The following DLGAP4 variants were observed in gnomAD, a reference collection of about 807,000 sequenced individuals.
DLGAP4 encodes DLG associated protein 4, also known as disks large-associated protein 4.
Under a neutral mutation model 86.9 loss-of-function variants are expected in DLGAP4, and 18 were observed. The ratio of observed to expected loss-of-function variants is 0.21; its 90% CI spans 0.14 to 0.31. The LOEUF (loss-of-function observed/expected upper bound fraction) is 0.31. Among genes scored for constraint, DLGAP4 ranks in the 10% least tolerant of loss-of-function variants. The pLI is 1.00. For missense variants in DLGAP4, 1,085 were observed against 1,362.6 expected, an observed-to-expected ratio of 0.80 and a Z score of 3.21; for synonymous variants, 548 against 574.3, an observed-to-expected ratio of 0.95 and a Z score of 0.65.
chr20:36,409,605 C>A (rs2032430146), intron 2 of DLGAP4, among the ~76,000 whole-genome samples: 1 of 150,876 alleles, frequency 6.6e-6, no homozygotes, highest in African/African-American at 2.4e-5. Flanking sequence ...GTCCCAGCTA[C>A]TAGGGAGGCT....
chr20:36,454,209 A>G (rs1198362387), intron 7 of DLGAP4, among the ~76,000 whole-genome samples: 1 of 151,010 alleles, frequency 6.6e-6, no homozygotes, highest in African/African-American at 2.4e-5. Context: ...CAGTGAGCCA[A>G]GATCGCACTA....
At chr20:36,418,516 C>T (rs1272280138) in intron 2 of DLGAP4, among the ~76,000 whole-genome samples, 1 of 152,154 alleles carries the variant, frequency 6.6e-6, no homozygotes, top group Non-Finnish European at 1.5e-5. Flanking sequence ...CTTATCTTTT[C>T]AGTGTCTACC....
At chr20:36,495,614 C>T (rs1356207988) in intron 7 of DLGAP4, among the ~76,000 whole-genome samples, 1 of 152,232 alleles carries the variant, frequency 6.6e-6, no homozygotes, top group Non-Finnish European at 1.5e-5. Flanking sequence ...GTGTTCTGGG[C>T]TCCTGCTGTG....
intron 1 of DLGAP4, among the ~76,000 whole-genome samples, chr20:36,312,396 C>T (rs1397014971): frequency 6.6e-6 from 1 of 152,122 alleles, no homozygotes; most frequent in Non-Finnish European, 1.5e-5. Context: ...CACACACACA[C>T]ACACAGTGCA....
At chr20:36,469,005 G>A (rs2034539613) in intron 7 of DLGAP4, among the ~76,000 whole-genome samples, 1 of 152,150 alleles carries the variant, frequency 6.6e-6, no homozygotes, top group African/African-American at 2.4e-5. Context: ...TTGATTTGCA[G>A]AGCACTTTCA....
In DLGAP4 at chr20:36,344,391, C is replaced by G. The variant is rs1197626245; in HGVS notation, c.-303-22654C>G. ...CAAAGTCAGCCTCCCGAAATAATAACAAGTCCACAATGTAACAGTGATGGC... is the reference window on the plus strand; with the variant it reads ...CAAAGTCAGCCTCCCGAAATAATAAGAAGTCCACAATGTAACAGTGATGGC... On this transcript the variant is annotated intron_variant, in intron 1 of 12. Coordinates refer to ENST00000339266, the MANE Select transcript of DLGAP4 (RefSeq NM_001365621.2). 3.9e-5 allele frequency among the ~76,000 whole-genome samples: 6 copies of G among 152,220 alleles called. No individual in the cohort carries two copies. The East Asian group carries it at 1.2e-3, about 29-fold the overall frequency.
At chr20:36,460,258 G>C (rs892299503) in intron 7 of DLGAP4, among the ~76,000 whole-genome samples, 1 of 152,108 alleles carries the variant, frequency 6.6e-6, no homozygotes, top group African/African-American at 2.4e-5. Flanking sequence ...TTGAGCCCAG[G>C]AGTTCAAGAC....
At chr20:36,435,879 C>A (rs1163398631) in intron 3 of DLGAP4, among the ~76,000 whole-genome samples, 1 of 152,168 alleles carries the variant, frequency 6.6e-6, no homozygotes, top group East Asian at 1.9e-4. Context: ...CTGGGGCAAA[C>A]CCAGCCTGGG....
chr20:36,461,933 C>G (rs2034100572), intron 7 of DLGAP4: 1 of 984,926 alleles, frequency 1.0e-6, no homozygotes, highest in African/African-American at 1.8e-5. Flanking sequence ...CTCTTCAGCC[C>G]TCAGAGCCGC....
At chr20:36,495,716 AAGTGGAGAACAGGGAGTTGGACC>A (rs1257109127) in intron 7 of DLGAP4, among the ~76,000 whole-genome samples, 1 of 152,194 alleles carries the variant, frequency 6.6e-6, no homozygotes, top group Non-Finnish European at 1.5e-5. Context: ...TCAGTGGAGA[AAGTGGAGAACAGGGAGTTGGACC>A]AGTGGAGAAC....
At chr20:36,370,028 T>C (rs553521686) in intron 2 of DLGAP4, among the ~76,000 whole-genome samples, 21 of 152,154 alleles carry the variant, frequency 1.4e-4, no homozygotes, top group African/African-American at 5.1e-4. Flanking sequence ...TGTGCAAGGA[T>C]CGGGGTCCAG....
chr20:36,474,725 A>G (rs571765679), intron 7 of DLGAP4, among the ~76,000 whole-genome samples: 2 of 150,520 alleles, frequency 1.3e-5, no homozygotes, highest in East Asian at 2.0e-4. Flanking sequence ...AAAGAGGCAC[A>G]TGCAGCAGTG....
chr20:36,396,410 T>TAC (rs533028500), intron 2 of DLGAP4, among the ~76,000 whole-genome samples: 775 of 14,484 alleles, frequency 0.054, 13 homozygotes, highest in African/African-American at 0.17. Flanking sequence ...ACACACCACA[T>TAC]ACACACACAC....
chr20:36,465,479 G>C (rs1283320396), intron 7 of DLGAP4: 2 of 152,460 alleles, frequency 1.3e-5, no homozygotes, highest in African/African-American at 4.8e-5. Flanking sequence ...AGCCCGCAGC[G>C]TTTCTCCAGG....
intron 1 of DLGAP4, among the ~76,000 whole-genome samples, chr20:36,323,175 C>CAAAAAAA (rs1164348704): frequency 1.4e-4 from 5 of 35,386 alleles, no homozygotes; most frequent in African/African-American, 2.0e-4. Context: ...GACCCTATCT[C>CAAAAAAA]AAAAAAAAAA....
chr20:36,518,588 G>A lies in DLGAP4; in HGVS notation c.2513-5662G>A, dbSNP rs1198409597. Among the ~76,000 whole-genome samples the A allele has an allele frequency of 2.6e-5, 4 of 152,010 alleles. No homozygotes were observed. In the East Asian group the frequency reaches 7.7e-4, roughly 29 times the overall value. ...CAACTTCCACTGTGATTTCTTTGAC[G>A]ACTGGGTTATTTAGATGTGTAAATC... On this transcript the variant is annotated intron_variant, in intron 10 of 12. Transcript: ENST00000339266.
At chr20:36,439,637 C>T (rs182879950) in intron 4 of DLGAP4, 117 bp from the exon 5 acceptor site, 50 of 817,972 alleles carry the variant, frequency 6.1e-5, no homozygotes, top group African/African-American at 4.6e-4. Flanking sequence ...TGCCACCCTG[C>T]GGCTGCAGCG....
At position 36,462,351 on chromosome 20, in the gene DLGAP4, G is replaced by A; in HGVS notation, c.1648+15414G>A. The A allele has an allele frequency of 2.2e-6, 3 of 1,372,430 alleles. No individual in the cohort carries two copies. The South Asian group carries it at 5.4e-5, about 25-fold the overall frequency. 85.0% of individuals were successfully genotyped at this position (1,372,430 alleles called of 1,614,324 possible). On this transcript the variant is annotated intron_variant, in intron 7 of 12. Coordinates refer to ENST00000339266, the MANE Select transcript of DLGAP4 (RefSeq NM_001365621.2). ...CGGGGTCCCCTGCTTTGCTCTCCCT[G>A]CCCCTCTGTGCCCCCACATCTGTCT...
chr20:36,427,224 A>T (rs1460068071), intron 2 of DLGAP4, among the ~76,000 whole-genome samples: 1 of 152,098 alleles, frequency 6.6e-6, no homozygotes, highest in Admixed American at 6.5e-5. Flanking sequence ...CATGCCTGTA[A>T]TCTCAACACT....
Sources: allele counts gnomAD v4.1 joint callset (sites outside exome capture counted in the v4.1 genomes callset), GRCh38; gene constraint gnomAD v4.1.1; transcripts MANE v1.5; gene names NCBI Gene and HGNC (gene_info 2026-07-23, HGNC 2026-07-21).